Variants in PARN observed in about 807,000 individuals in gnomAD.
PARN encodes the protein poly(A)-specific ribonuclease PARN.
In PARN, 71 loss-of-function variants were observed where a neutral mutation model predicts 102.8. The ratio of observed to expected loss-of-function variants is 0.69; its 90% CI spans 0.57 to 0.84. The LOEUF is 0.84. Among genes scored for constraint, PARN ranks in the 40% least tolerant of loss-of-function variants. The pLI is 0.00. For synonymous variants in PARN, 261 were observed against 252.9 expected (o/e 1.03, Z -0.30); for missense variants, 782 against 760.9 (o/e 1.03, Z -0.33).
intron 6 of PARN, among the ~76,000 whole-genome samples, chr16:14,613,174 T>C (rs1489867400): frequency 6.6e-6 from 1 of 151,692 alleles, no homozygotes. Context: ...CCGGGCGTGG[T>C]GGCACATGCC....
At chr16:14,496,440 A>G (rs890386031) in intron 21 of PARN, among the ~76,000 whole-genome samples, 2 of 152,240 alleles carry the variant, frequency 1.3e-5, no homozygotes, top group Non-Finnish European at 2.9e-5. Flanking sequence ...AAAAAAAAGA[A>G]GAAACCCTTC....
In PARN at chr16:14,629,668, T is replaced by A. The variant is rs1328200201; in HGVS notation, c.26A>T (p.Lys9Met). The change falls in exon 2 of 24, where the codon AAG becomes ATG. Residue 9 changes from lysine to methionine, a missense_variant. Transcript: ENST00000437198. ...CTGGTACACTTTGTGAAGATTACTCTTAAAATCTGCGGAGAAACCGAAAAG... is the reference window on the plus strand; with the variant it reads ...CTGGTACACTTTGTGAAGATTACTCATAAAATCTGCGGAGAAACCGAAAAG... MEIIRSNF[K>M]SNLHKVYQAI... is the part of the protein sequence containing the mutation. 1 of 1,612,120 alleles carries A rather than the reference T, an allele frequency of 6.2e-7. No individual in the cohort carries two copies. The highest frequency in any genetic ancestry group is 1.7e-5 in the Admixed American group (1 of 60,034).
intron 23 of PARN, among the ~76,000 whole-genome samples, chr16:14,442,009 G>A (rs1960962916): frequency 6.6e-6 from 1 of 152,108 alleles, no homozygotes; most frequent in South Asian, 2.1e-4. Context: ...TTAAATGTTA[G>A]GGGAAAAAAG....
chr16:14,535,842 G>A lies in PARN; in HGVS notation c.1480+16179C>T, dbSNP rs1038957884. ...GTATAGGAAAAACAGAGTACATACA[G>A]GCTTTCATACCATCTCCAGCTTCAG... On this transcript the variant is annotated intron_variant, in intron 21 of 23. Transcript: ENST00000437198. Among the ~76,000 whole-genome samples the A allele has an allele frequency of 7.9e-5, 12 of 152,256 alleles. No individual in the cohort carries two copies. The South Asian group carries it at 2.1e-3, about 26-fold the overall frequency.
chr16:14,457,938 G>A (rs546970044), intron 22 of PARN, among the ~76,000 whole-genome samples: 13 of 151,638 alleles, frequency 8.6e-5, no homozygotes, highest in East Asian at 5.8e-4. Flanking sequence ...GTGGGTGTGT[G>A]TGTGTGTGTG....
intron 23 of PARN, among the ~76,000 whole-genome samples, chr16:14,441,435 G>A (rs1179147348): frequency 6.6e-6 from 1 of 152,242 alleles, no homozygotes; most frequent in Non-Finnish European, 1.5e-5. Flanking sequence ...CGGATTCTAA[G>A]AAGCTGCACA....
intron 6 of PARN, among the ~76,000 whole-genome samples, chr16:14,611,842 G>A (rs114766853): frequency 0.01 from 1,543 of 152,196 alleles, 27 homozygotes; most frequent in African/African-American, 0.035. Flanking sequence ...CGCACGGCCA[G>A]CAAACTCTTT....
At position 14,446,989 on chromosome 16, in the gene PARN, T is replaced by C. The variant is rs1305045055; in HGVS notation, c.1763A>G (p.Asp588Gly). 6.2e-7 allele frequency: 1 copy of C among 1,613,578 alleles called. No individual in the cohort carries two copies. The highest frequency in any genetic ancestry group is 8.5e-7 in the Non-Finnish European group (1 of 1,179,644). The stretch of plus-strand genomic sequence containing the variant: ...GGAATCGGTCTGCTCAAGCTCAGTG[T>C]CGGAAATCTCCCCTGACACTCCGTC... ...LEDGVSGEIS[D>G]TELEQTDSCA... Residue 588 changes from aspartate to glycine, a missense_variant, in exon 23 of 24, where the codon GAC becomes GGC. Coordinates refer to ENST00000437198, the MANE Select transcript of PARN (RefSeq NM_002582.4).
At chr16:14,481,855 G>A (rs535630007) in intron 22 of PARN, among the ~76,000 whole-genome samples, 52 of 152,166 alleles carry the variant, frequency 3.4e-4, no homozygotes, top group African/African-American at 1.2e-3. Context: ...ACCAAATGTT[G>A]CCAGCATTTA....
chr16:14,554,880 G>GTCT (rs1967562183), intron 19 of PARN, among the ~76,000 whole-genome samples: 1 of 151,906 alleles, frequency 6.6e-6, no homozygotes, highest in African/African-American at 2.4e-5. Context: ...TAATTGTTAA[G>GTCT]TAAGGCAATC....
intron 21 of PARN, among the ~76,000 whole-genome samples, chr16:14,550,656 T>C (rs747007310): frequency 6.6e-6 from 1 of 152,206 alleles, no homozygotes; most frequent in African/African-American, 2.4e-5. Context: ...ATTTGTATAT[T>C]TGCAGAAATT....
At chr16:14,572,843 C>T (rs904615837) in intron 18 of PARN, among the ~76,000 whole-genome samples, 2 of 152,102 alleles carry the variant, frequency 1.3e-5, no homozygotes, top group Non-Finnish European at 2.9e-5. Context: ...TCTGCTACCA[C>T]CTCTACCTTT....
At chr16:14,481,574 T>G (rs1468400261) in intron 22 of PARN, among the ~76,000 whole-genome samples, 1 of 152,218 alleles carries the variant, frequency 6.6e-6, no homozygotes, top group African/African-American at 2.4e-5. Flanking sequence ...TATCCAACTG[T>G]TAAAACTCTT....
chr16:14,605,708 A>T (rs988290968), intron 10 of PARN, among the ~76,000 whole-genome samples: 3 of 152,162 alleles, frequency 2.0e-5, no homozygotes, highest in African/African-American at 7.2e-5. Context: ...AAATTATAAA[A>T]TTGAAAAACT....
At chr16:14,625,081 C>A (rs1479040641) in intron 5 of PARN, among the ~76,000 whole-genome samples, 1 of 152,056 alleles carries the variant, frequency 6.6e-6, no homozygotes, top group African/African-American at 2.4e-5. Context: ...GTTTGATTAA[C>A]CCCTGGCCAA....
At chr16:14,499,764 T>G (rs1310226264) in intron 21 of PARN, among the ~76,000 whole-genome samples, 3 of 152,102 alleles carry the variant, frequency 2.0e-5, no homozygotes, top group Non-Finnish European at 4.4e-5. Context: ...TAATCCCAGC[T>G]ACTCAGGAGG....
chr16:14,540,278 C>T (rs540477041), intron 21 of PARN, among the ~76,000 whole-genome samples: 3 of 152,166 alleles, frequency 2.0e-5, no homozygotes, highest in Non-Finnish European at 2.9e-5. Context: ...ATTCTACATA[C>T]AGTTTAAGAT....
At chr16:14,608,883 G>C (rs544257600) in intron 8 of PARN, among the ~76,000 whole-genome samples, 175 bp downstream of exon 8, 2 of 152,290 alleles carry the variant, frequency 1.3e-5, no homozygotes, top group African/African-American at 4.8e-5. Context: ...CAGTGTCTCA[G>C]TATACACAGT....
intron 21 of PARN, among the ~76,000 whole-genome samples, chr16:14,536,617 A>C (rs1195291217): frequency 6.6e-6 from 1 of 152,208 alleles, no homozygotes; most frequent in Non-Finnish European, 1.5e-5. Flanking sequence ...CACAATTGAA[A>C]GGTAAATCTC....
Sources: gnomAD v4.1 joint callset for allele counts (sites outside exome capture counted in the v4.1 genomes callset) on GRCh38, gnomAD v4.1.1 for gene constraint, MANE v1.5 for transcripts, NCBI Gene and HGNC (gene_info 2026-07-23, HGNC 2026-07-21) for gene names.